AKAP6: variants seen among roughly 807,000 people sequenced by gnomAD.
The protein encoded by AKAP6 is A-kinase anchoring protein 6.
In AKAP6, 58 loss-of-function variants were observed where a neutral mutation model predicts 188.5. The observed-to-expected ratio is 0.31, with a 90% CI of 0.25 to 0.38. The LOEUF is 0.38. Among genes scored for constraint, AKAP6 ranks in the 10% least tolerant of loss-of-function variants. The pLI, the probability that AKAP6 is intolerant of heterozygous loss-of-function variation, is 1.00. For synonymous variants in AKAP6, 989 were observed against 998.6 expected, an observed-to-expected ratio of 0.99 and a Z score of 0.18; for missense variants, 2,710 against 2,740.0, an observed-to-expected ratio of 0.99 and a Z score of 0.24.
At chr14:32,766,306 C>T (rs556294113) in intron 11 of AKAP6, among the ~76,000 whole-genome samples, 8 of 152,082 alleles carry the variant, frequency 5.3e-5, no homozygotes, top group African/African-American at 1.7e-4. Flanking sequence ...ATGAATAATG[C>T]CATTATGAAT....
intron 5 of AKAP6, among the ~76,000 whole-genome samples, chr14:32,592,870 T>C (rs1364038234): frequency 6.6e-6 from 1 of 152,160 alleles, no homozygotes; most frequent in African/African-American, 2.4e-5. Flanking sequence ...CAGTGAGTGA[T>C]GGAGGAGCCA....
chr14:32,687,282 A>G (rs1224156174), intron 8 of AKAP6, among the ~76,000 whole-genome samples: 1 of 152,204 alleles, frequency 6.6e-6, no homozygotes, highest in Non-Finnish European at 1.5e-5. Context: ...ACGATATGTC[A>G]AATGACTTTA....
intron 9 of AKAP6, among the ~76,000 whole-genome samples, chr14:32,708,766 C>G (rs1381552188): frequency 6.6e-6 from 1 of 151,980 alleles, no homozygotes; most frequent in Non-Finnish European, 1.5e-5. Flanking sequence ...CTCTTTGTGT[C>G]CACCTTGACA....
intron 8 of AKAP6, among the ~76,000 whole-genome samples, chr14:32,691,682 C>T (rs1890184392): frequency 6.6e-6 from 1 of 152,110 alleles, no homozygotes; most frequent in Non-Finnish European, 1.5e-5. Context: ...CCTCAGCCTC[C>T]CAAGTAGCTG....
intron 1 of AKAP6, among the ~76,000 whole-genome samples, chr14:32,381,192 T>C (rs575846047): frequency 1.6e-4 from 25 of 152,112 alleles, no homozygotes; most frequent in Admixed American, 2.6e-4. Context: ...CAAAAAAATT[T>C]AGCTGGGCCT....
intron 2 of AKAP6, among the ~76,000 whole-genome samples, chr14:32,529,647 T>C (rs1882306050): frequency 6.6e-6 from 1 of 152,224 alleles, no homozygotes; most frequent in African/African-American, 2.4e-5. Context: ...AGTTCCCCTG[T>C]ACTTCTCCTT....
At chr14:32,514,314 C>G (rs984220306) in intron 2 of AKAP6, among the ~76,000 whole-genome samples, 1 of 152,194 alleles carries the variant, frequency 6.6e-6, no homozygotes, top group African/African-American at 2.4e-5. Flanking sequence ...AACAGACATA[C>G]TGTAGTTGTT....
At chr14:32,715,726 T>C (rs1356458600) in intron 9 of AKAP6, among the ~76,000 whole-genome samples, 1 of 151,750 alleles carries the variant, frequency 6.6e-6, no homozygotes, top group South Asian at 2.1e-4. Flanking sequence ...ACAAACCATA[T>C]AGCTTTTATC....
Position 32,689,434 on chromosome 14 carries a change from T to C in AKAP6, c.2880-6556T>C, listed in dbSNP as rs189728870. On this transcript the variant is annotated intron_variant, in intron 8 of 13. Transcript: ENST00000280979. The stretch of plus-strand genomic sequence containing the variant: ...CTTGATTTTATTTTTCTTAGACCTG[T>C]TCACATGTACGTAGGTATATATAAA... 2.5e-3 allele frequency among the ~76,000 whole-genome samples: 382 copies of C among 152,298 alleles called. 1 individual carries two copies. The highest frequency in any genetic ancestry group is 8.9e-3 in the African/African-American group (369 of 41,576).
chr14:32,401,166 T>A (rs1889080123), intron 1 of AKAP6, among the ~76,000 whole-genome samples: 1 of 152,106 alleles, frequency 6.6e-6, no homozygotes. Flanking sequence ...GCCAGGAGAA[T>A]CTCAGGGGAG....
intron 2 of AKAP6, among the ~76,000 whole-genome samples, chr14:32,436,703 G>A (rs1042150905): frequency 6.6e-6 from 1 of 152,188 alleles, no homozygotes; most frequent in Non-Finnish European, 1.5e-5. Context: ...TTGGGAGGCA[G>A]AGATGGGCAG....
intron 10 of AKAP6, among the ~76,000 whole-genome samples, chr14:32,735,036 A>G (rs1282733268): frequency 6.6e-6 from 1 of 152,194 alleles, no homozygotes; most frequent in Non-Finnish European, 1.5e-5. Context: ...TAGAAAGTCC[A>G]GCATCCAGAA....
In AKAP6 at chr14:32,600,653, T is replaced by C. The variant is rs78777085; in HGVS notation, c.2591T>C (p.Ile864Thr). 513 of 1,613,150 alleles carry C rather than the reference T, an allele frequency of 3.2e-4. 6 individuals are homozygous for C. In the African/African-American group the frequency reaches 6.1e-3, roughly 19 times the overall value. Reference protein sequence around the residue: ...KAGLKDMLRMIASQWKELQRQ... With the variant: ...KAGLKDMLRMTASQWKELQRQ... ...GGACTGAAGGACATGCTGCGGATGA[T>C]TGCAAGTCAATGGAAGGAGCTGCAG... The change falls in exon 7 of 14, where the codon ATT (isoleucine) becomes ACT (threonine). Residue 864 changes from isoleucine to threonine, a missense_variant. This residue lies in a region of AKAP6 where 2,473 missense variants were observed against 2,426.1 expected (regional missense o/e 1.02). Coordinates refer to ENST00000280979, the MANE Select transcript of AKAP6 (RefSeq NM_004274.5).
intron 5 of AKAP6, among the ~76,000 whole-genome samples, chr14:32,587,968 T>G (rs566925907): frequency 3.3e-5 from 5 of 152,138 alleles, no homozygotes; most frequent in Non-Finnish European, 5.9e-5. Flanking sequence ...ATGGTAAAGG[T>G]GGAGCAAGCT....
At chr14:32,521,611 C>G (rs1881837429) in intron 2 of AKAP6, among the ~76,000 whole-genome samples, 1 of 152,134 alleles carries the variant, frequency 6.6e-6, no homozygotes, top group Admixed American at 6.5e-5. Context: ...AATAAAATAC[C>G]TAGGAATCCA....
At chr14:32,367,042 G>A (rs1323152787) in intron 1 of AKAP6, among the ~76,000 whole-genome samples, 2 of 152,070 alleles carry the variant, frequency 1.3e-5, no homozygotes, top group Non-Finnish European at 2.9e-5. Context: ...TCCTTGCTGC[G>A]GGCTGCTCCA....
chr14:32,720,143 A>C (rs2139783681), intron 9 of AKAP6, among the ~76,000 whole-genome samples: 1 of 152,364 alleles, frequency 6.6e-6, no homozygotes, highest in African/African-American at 2.4e-5. Flanking sequence ...AGCAATTCAT[A>C]CATCACTTAG....
chr14:32,532,511 A>C (rs1882468311), intron 2 of AKAP6, among the ~76,000 whole-genome samples: 1 of 152,174 alleles, frequency 6.6e-6, no homozygotes, highest in East Asian at 1.9e-4. Flanking sequence ...ACGTTCCTAC[A>C]TCTATTACAA....
intron 2 of AKAP6, among the ~76,000 whole-genome samples, chr14:32,492,415 C>T (rs10130852): frequency 0.11 from 13,690 of 123,868 alleles, 1,841 homozygotes; most frequent in African/African-American, 0.33. Flanking sequence ...TATATATATA[C>T]CTCACATAAC....
Sources: allele counts gnomAD v4.1 joint callset (sites outside exome capture counted in the v4.1 genomes callset), GRCh38; gene constraint gnomAD v4.1.1; regional missense constraint gnomAD v4.1.1; transcripts MANE v1.5; gene names NCBI Gene and HGNC (gene_info 2026-07-23, HGNC 2026-07-21).